SLC30A6: variants seen among roughly 807,000 people sequenced by gnomAD.
SLC30A6 encodes zinc transporter 6.
Under a neutral mutation model 63.0 loss-of-function variants are expected in SLC30A6, and 55 were observed. The ratio of observed to expected loss-of-function variants is 0.87; its 90% confidence interval spans 0.70 to 1.09. The LOEUF (loss-of-function observed/expected upper bound fraction) is 1.09. Among genes scored for constraint, SLC30A6 ranks in the 50% least tolerant of loss-of-function variants. The pLI, the probability that SLC30A6 is intolerant of heterozygous loss-of-function variation, is 0.00. For synonymous variants in SLC30A6, 224 were observed against 186.1 expected (o/e 1.20, Z -1.66); for missense variants, 587 against 549.2 (o/e 1.07, Z -0.69).
Position 32,222,605 on chromosome 2 carries a change from CCT to C in SLC30A6, c.*1893_*1894del, listed in dbSNP as rs1445573858. 1 of 152,100 alleles carries C rather than the reference CCT, an allele frequency of 6.6e-6. No individual in the cohort carries two copies. Among genetic ancestry groups the C allele is most frequent in the African/African-American group, 2.4e-5 (1 of 41,398 alleles). 9.4% of individuals were successfully genotyped at this position (152,100 alleles called of 1,614,324 possible). A position where few individuals can be genotyped will look rare whatever the true frequency, so the allele number is the denominator to read the frequency against. On this transcript the variant is annotated 3_prime_UTR_variant, in exon 14 of 14. Transcript: ENST00000282587. ...GTCATTGTCTTTGGCATCTGCAACC[CCT>C]GTTCAGGCATGTGACCTGCTAAAGA...
At chr2:32,188,152 T>C (rs1049973380) in intron 5 of SLC30A6, among the ~76,000 whole-genome samples, 1 of 152,224 alleles carries the variant, frequency 6.6e-6, no homozygotes, top group South Asian at 2.1e-4. Context: ...TGAACGCTAC[T>C]AACTCATTCC....
intron 12 of SLC30A6, 50 bp from the exon 13 acceptor site, chr2:32,209,443 G>A (rs766402078): frequency 7.0e-7 from 1 of 1,428,578 alleles, no homozygotes; most frequent in Non-Finnish European, 9.7e-7. Context: ...AAACTGCATT[G>A]GATATGTTAA....
rs542956427 is a variant in SLC30A6 at position 32,223,504 on chromosome 2, T to G, written c.*2791T>G. 1 of 152,368 alleles carries G rather than the reference T, an allele frequency of 6.6e-6. No individual in the cohort carries two copies. Among genetic ancestry groups the G allele is most frequent in the African/African-American group, 2.4e-5 (1 of 41,590 alleles). The allele number at this position is 152,368 out of a possible 1,614,324, so 9.4% of individuals were successfully genotyped here. The stretch of plus-strand genomic sequence containing the variant: ...GGAGAGGAATTAATTAGTTGATCTG[T>G]AAAATAATCAGCTTCAAAACGTTAT... On this transcript the variant is annotated 3_prime_UTR_variant, in exon 14 of 14. Coordinates refer to ENST00000282587, the MANE Select transcript of SLC30A6 (RefSeq NM_017964.5).
At chr2:32,207,328 G>A (rs562070837) in intron 12 of SLC30A6, among the ~76,000 whole-genome samples, 2 of 150,742 alleles carry the variant, frequency 1.3e-5, no homozygotes, top group Non-Finnish European at 3.0e-5. Context: ...CTCCTTCCTC[G>A]GCCTCCTGAG....
At position 32,192,911 on chromosome 2, in the gene SLC30A6, C is replaced by A; in HGVS notation, c.366-7C>A. On this transcript the variant is annotated splice_region_variant and splice_polypyrimidine_tract_variant and intron_variant, in intron 6 of 13. Coordinates refer to ENST00000282587, the MANE Select transcript of SLC30A6 (RefSeq NM_017964.5). The stretch of plus-strand genomic sequence containing the variant: ...GGACTTATTTAATATATTTTTATTT[C>A]TTATAGTGCAGAACGCTTTTTGGAA... 6.7e-7 allele frequency: 1 copy of A among 1,490,370 alleles called. No individual in the cohort carries two copies. The highest frequency in any genetic ancestry group is 2.4e-5 in the East Asian group (1 of 41,354). 92.3% of individuals were successfully genotyped at this position (1,490,370 alleles called of 1,614,324 possible). A position where few individuals can be genotyped will look rare whatever the true frequency, so the allele number is the denominator to read the frequency against.
chr2:32,198,614 G>A (rs1046662067), intron 10 of SLC30A6, among the ~76,000 whole-genome samples: 4 of 151,942 alleles, frequency 2.6e-5, no homozygotes, highest in African/African-American at 4.8e-5. Flanking sequence ...ATGGAGTTTC[G>A]CTCTTGGTGC....
intron 5 of SLC30A6, among the ~76,000 whole-genome samples, chr2:32,188,964 A>G (rs1029602106): frequency 2.0e-5 from 3 of 152,158 alleles, no homozygotes; most frequent in African/African-American, 7.2e-5. Context: ...ATTCTTGTTC[A>G]TTGCTCTCAT....
At position 32,203,099 on chromosome 2, in the gene SLC30A6, C is replaced by G. The variant is rs1441036559; in HGVS notation, c.666-1491C>G. The G allele has an allele frequency of 6.1e-6, 8 of 1,308,486 alleles. No individual in the cohort carries two copies. The South Asian group carries it at 9.4e-5, about 15-fold the overall frequency. 81.1% of individuals were successfully genotyped at this position (1,308,486 alleles called of 1,614,324 possible). On this transcript the variant is annotated intron_variant, in intron 10 of 13. Transcript: ENST00000282587. ...CACAAAGAGAATTTACACTAAAAGA[C>G]TTCAGAGAAGGTAGTTTTAAAGTTT...
intron 1 of SLC30A6, among the ~76,000 whole-genome samples, chr2:32,170,176 T>A (rs969767690): frequency 2.6e-5 from 4 of 152,176 alleles, no homozygotes; most frequent in Non-Finnish European, 2.9e-5. Flanking sequence ...AACTCCCAGA[T>A]TATAAAATAA....
intron 13 of SLC30A6, among the ~76,000 whole-genome samples, chr2:32,212,611 T>TTTTTTTG (rs1685347608): frequency 7.0e-6 from 1 of 143,842 alleles, no homozygotes. Context: ...TTTTTTTTTT[T>TTTTTTTG]GAGACAGGGT....
chr2:32,213,710 A>G (rs1241628314), intron 13 of SLC30A6, among the ~76,000 whole-genome samples: 1 of 152,118 alleles, frequency 6.6e-6, no homozygotes, highest in Non-Finnish European at 1.5e-5. Context: ...TACATTATCT[A>G]AATATGCCAT....
chr2:32,188,151 C>G (rs1683002848), intron 5 of SLC30A6, among the ~76,000 whole-genome samples: 1 of 152,204 alleles, frequency 6.6e-6, no homozygotes, highest in Non-Finnish European at 1.5e-5. Flanking sequence ...TTGAACGCTA[C>G]TAACTCATTC....
intron 7 of SLC30A6, 78 bp downstream of exon 7, chr2:32,193,031 T>G: frequency 2.1e-4 from 173 of 843,884 alleles, no homozygotes; most frequent in Non-Finnish European, 2.9e-4. Context: ...AGTTGGCCAA[T>G]GTCAGATTTC....
rs746982354 is a variant in SLC30A6 at position 32,220,284 on chromosome 2, G to T, written c.957G>T (p.Arg319Ser). The T allele has an allele frequency of 6.2e-7, 1 of 1,614,044 alleles. No individual in the cohort carries two copies. Among genetic ancestry groups the T allele is most frequent in the Admixed American group, 1.7e-5 (1 of 59,998 alleles). Reference sequence around the variant, plus strand: ...TGGTTCTTGCTCATGTGACCAACAGGCTGTACACTCTAGTGTCTACTCTAA... The same window carrying T: ...TGGTTCTTGCTCATGTGACCAACAGTCTGTACACTCTAGTGTCTACTCTAA... Reference protein sequence around the residue: ...EQMVLAHVTNRLYTLVSTLTV... With the variant: ...EQMVLAHVTNSLYTLVSTLTV... The change falls in exon 14 of 14, where the codon AGG becomes AGT. Residue 319 changes from arginine (R) to serine (S), a missense_variant. Arg to Ser is a moderately radical substitution (Grantham distance 110, BLOSUM62 -1). Coordinates refer to ENST00000282587, the MANE Select transcript of SLC30A6 (RefSeq NM_017964.5).
chr2:32,167,001 C>T (rs1680725323), intron 1 of SLC30A6, among the ~76,000 whole-genome samples: 1 of 151,616 alleles, frequency 6.6e-6, no homozygotes, highest in Non-Finnish European at 1.5e-5. Flanking sequence ...TTTTCTGTAG[C>T]ACTCAAGATA....
chr2:32,172,825 C>G (rs1681357405), intron 2 of SLC30A6, among the ~76,000 whole-genome samples: 1 of 152,184 alleles, frequency 6.6e-6, no homozygotes. Context: ...TTTCTATCCT[C>G]AAGCTTCTAA....
intron 6 of SLC30A6, 53 bp from the exon 7 acceptor site, chr2:32,192,865 T>C: frequency 1.7e-6 from 2 of 1,176,832 alleles, no homozygotes; most frequent in Non-Finnish European, 2.3e-6. Flanking sequence ...TTAATAAAGC[T>C]TTTTAACTTT....
In SLC30A6 at chr2:32,205,216, C is replaced by T. The variant is rs1420270424; in HGVS notation, c.768+524C>T. Among the ~76,000 whole-genome samples the T allele has an allele frequency of 4.6e-5, 7 of 152,186 alleles. No homozygotes were observed. In the East Asian group the frequency reaches 5.8e-4, roughly 13 times the overall value. On this transcript the variant is annotated intron_variant, in intron 11 of 13. Coordinates refer to ENST00000282587, the MANE Select transcript of SLC30A6 (RefSeq NM_017964.5). ...CGGGCAGATCACAATGTCAGTAGTT[C>T]GAGACCAGCCTGGCCAACATGGTGA...
chr2:32,173,806 C>G (rs1442601710), intron 2 of SLC30A6, among the ~76,000 whole-genome samples: 1 of 152,150 alleles, frequency 6.6e-6, no homozygotes, highest in African/African-American at 2.4e-5. Flanking sequence ...GTGTATTTTT[C>G]TCAACTATTT....
Sources: allele counts gnomAD v4.1 joint callset (sites outside exome capture counted in the v4.1 genomes callset), GRCh38; gene constraint gnomAD v4.1.1; transcripts MANE v1.5; gene names NCBI Gene and HGNC (gene_info 2026-07-23, HGNC 2026-07-21).